ANKRD6: variants seen among roughly 807,000 people sequenced by gnomAD.
The protein encoded by ANKRD6 is ankyrin repeat domain 6.
Under a neutral mutation model 82.3 loss-of-function variants are expected in ANKRD6, and 56 were observed. The observed-to-expected ratio is 0.68, with a 90% CI of 0.55 to 0.85. The LOEUF (loss-of-function observed/expected upper bound fraction) is 0.85. Ranked by LOEUF, ANKRD6 falls within the 40% of genes least tolerant of loss-of-function variation. The probability of loss-of-function intolerance (pLI) is 0.00; values close to 1 mark genes in which losing one functional copy is unlikely to be tolerated. For synonymous variants in ANKRD6, 347 were observed against 352.1 expected (o/e 0.99, Z 0.16); for missense variants, 852 against 907.6 (o/e 0.94, Z 0.79).
intron 1 of ANKRD6, among the ~76,000 whole-genome samples, chr6:89,543,711 G>C (rs1784703103): frequency 6.6e-6 from 1 of 152,158 alleles, no homozygotes. Flanking sequence ...AGTAGACTCT[G>C]AGACTGAATT....
At chr6:89,595,693 A>G (rs1471426045) in intron 2 of ANKRD6, among the ~76,000 whole-genome samples, 1 of 152,182 alleles carries the variant, frequency 6.6e-6, no homozygotes, top group Non-Finnish European at 1.5e-5. Context: ...AAATCTTCAC[A>G]TTTTGAACAT....
At chr6:89,562,098 C>G (rs1421652860) in intron 1 of ANKRD6, among the ~76,000 whole-genome samples, 1 of 152,148 alleles carries the variant, frequency 6.6e-6, no homozygotes, top group South Asian at 2.1e-4. Context: ...TATGATCTCT[C>G]CAGGTGGGAA....
At position 89,566,202 on chromosome 6, in the gene ANKRD6, A is replaced by G. The variant is rs187530259; in HGVS notation, c.-143-632A>G. Among the ~76,000 whole-genome samples, 22 of 152,370 alleles carry G rather than the reference A, an allele frequency of 1.4e-4. No homozygotes were observed. The East Asian group carries it at 4.0e-3, about 28-fold the overall frequency. ...GTGTTTAGCATCTGTGTTGTCCCCAAGGTGGATTGTTTCAGCCACTTGGAA... is the reference window on the plus strand; with the variant it reads ...GTGTTTAGCATCTGTGTTGTCCCCAGGGTGGATTGTTTCAGCCACTTGGAA... On this transcript the variant is annotated intron_variant, in intron 1 of 15. Coordinates refer to ENST00000339746, the MANE Select transcript of ANKRD6 (RefSeq NM_001242809.2).
At chr6:89,534,168 A>G (rs905722487) in intron 1 of ANKRD6, among the ~76,000 whole-genome samples, 2 of 152,206 alleles carry the variant, frequency 1.3e-5, no homozygotes, top group South Asian at 2.1e-4. Flanking sequence ...TTCAAAGCCA[A>G]TTAGACAATT....
intron 1 of ANKRD6, among the ~76,000 whole-genome samples, chr6:89,560,039 A>T (rs929217904): frequency 6.6e-6 from 1 of 152,134 alleles, no homozygotes; most frequent in Non-Finnish European, 1.5e-5. Context: ...CGGCACCATG[A>T]TAGGCTCTGG....
chr6:89,469,950 T>C (rs1775259320), intron 1 of ANKRD6, among the ~76,000 whole-genome samples: 1 of 152,154 alleles, frequency 6.6e-6, no homozygotes, highest in African/African-American at 2.4e-5. Flanking sequence ...TCTACAGCCA[T>C]CTCTCTCTCC....
At chr6:89,559,700 A>G (rs1185291719) in intron 1 of ANKRD6, among the ~76,000 whole-genome samples, 1 of 152,174 alleles carries the variant, frequency 6.6e-6, no homozygotes, top group Non-Finnish European at 1.5e-5. Flanking sequence ...GGTGCTGTCC[A>G]ATGCTCTGGT....
At chr6:89,504,580 A>G (rs549107418) in intron 1 of ANKRD6, among the ~76,000 whole-genome samples, 4 of 151,950 alleles carry the variant, frequency 2.6e-5, no homozygotes, top group African/African-American at 9.7e-5. Context: ...TAAAAAAAAA[A>G]AAATTATAGC....
At chr6:89,460,580 C>T (rs1037139834) in intron 1 of ANKRD6, among the ~76,000 whole-genome samples, 20 of 151,824 alleles carry the variant, frequency 1.3e-4, no homozygotes, top group African/African-American at 4.1e-4. Flanking sequence ...GGATTACAGA[C>T]GCCTGCCACC....
At chr6:89,516,859 A>T (rs1562697063) in intron 1 of ANKRD6, among the ~76,000 whole-genome samples, 1 of 151,896 alleles carries the variant, frequency 6.6e-6, no homozygotes, top group Non-Finnish European at 1.5e-5. Flanking sequence ...TAACAGTGAG[A>T]ATAAATTTGT....
chr6:89,613,689 T>C (rs1800795339), intron 6 of ANKRD6, 103 bp from the exon 7 acceptor site: 1 of 1,021,098 alleles, frequency 9.8e-7, no homozygotes, highest in African/African-American at 1.6e-5. Context: ...CCCTAAAGAG[T>C]ACATGATAGT....
chr6:89,533,220 A>G (rs1368532430), intron 1 of ANKRD6, among the ~76,000 whole-genome samples: 1 of 152,106 alleles, frequency 6.6e-6, no homozygotes, highest in Non-Finnish European at 1.5e-5. Flanking sequence ...CATGTTGCCC[A>G]GGCTAGTGAA....
At chr6:89,521,962 C>G (rs972244063) in intron 1 of ANKRD6, among the ~76,000 whole-genome samples, 2 of 152,206 alleles carry the variant, frequency 1.3e-5, no homozygotes, top group East Asian at 3.9e-4. Flanking sequence ...TATTTTATAA[C>G]CTATACTTTG....
At chr6:89,488,765 T>C (rs1777659043) in intron 1 of ANKRD6, among the ~76,000 whole-genome samples, 1 of 152,208 alleles carries the variant, frequency 6.6e-6, no homozygotes, top group African/African-American at 2.4e-5. Context: ...TTTTAAACTT[T>C]TAACTGTGAC....
intron 2 of ANKRD6, among the ~76,000 whole-genome samples, chr6:89,571,983 G>T (rs75790872): frequency 6.6e-6 from 1 of 152,058 alleles, no homozygotes; most frequent in Non-Finnish European, 1.5e-5. Context: ...TGTCTCCATA[G>T]TTTTACCTTT....
intron 1 of ANKRD6, among the ~76,000 whole-genome samples, chr6:89,451,338 C>T (rs566218446): frequency 1.3e-5 from 2 of 152,222 alleles, no homozygotes; most frequent in East Asian, 3.9e-4. Context: ...ATTCAAAGTA[C>T]ATCCTCTTTT....
rs752636503 is a variant in ANKRD6, at chr6:89,606,111, G to C, written c.417+6G>C. The C allele has an allele frequency of 6.4e-7, 1 of 1,552,364 alleles. No individual in the cohort carries two copies. Among genetic ancestry groups the C allele is most frequent in the South Asian group, 1.2e-5 (1 of 83,168 alleles). On this transcript the variant is annotated splice_donor_region_variant and intron_variant, in intron 5 of 15. Transcript: ENST00000339746. ...ACGTGCTTGCCAAGAACAAGGTGAG[G>C]CCTGGCAGATGCTAGAATGCCTCAT...
At position 89,475,296 on chromosome 6, in the gene ANKRD6, C is replaced by T. The variant is rs191220514; in HGVS notation, c.-144+41921C>T. ...TAAGCAAAAATATCAGAGTCATGCA[C>T]GTATGACTCTTATTCCATGACTGTC... is the stretch of plus-strand genomic sequence containing the variant. On this transcript the variant is annotated intron_variant, in intron 1 of 15. Coordinates refer to ENST00000339746, the MANE Select transcript of ANKRD6 (RefSeq NM_001242809.2). Among the ~76,000 whole-genome samples, 317 of 152,312 alleles carry T rather than the reference C, an allele frequency of 2.1e-3. 1 individual carries two copies. Among genetic ancestry groups the T allele is most frequent in the Admixed American group, 3.4e-3 (52 of 15,300 alleles).
At chr6:89,451,648 A>C (rs1342352539) in intron 1 of ANKRD6, among the ~76,000 whole-genome samples, 2 of 152,186 alleles carry the variant, frequency 1.3e-5, no homozygotes, top group Non-Finnish European at 2.9e-5. Flanking sequence ...CATTTCTGTC[A>C]TTGTACGTCC....
Sources: allele counts gnomAD v4.1 joint callset (sites outside exome capture counted in the v4.1 genomes callset), GRCh38; gene constraint gnomAD v4.1.1; transcripts MANE v1.5; gene names NCBI Gene and HGNC (gene_info 2026-07-23, HGNC 2026-07-21).